Variants in UBAC2 observed in about 807,000 individuals in gnomAD.
UBAC2 encodes the protein ubiquitin-associated domain-containing protein 2.
Under a neutral mutation model 44.0 loss-of-function variants are expected in UBAC2, and 26 were observed. The ratio of observed to expected loss-of-function variants is 0.59; its 90% confidence interval spans 0.43 to 0.82. The LOEUF (loss-of-function observed/expected upper bound fraction) is 0.82. Among genes scored for constraint, UBAC2 ranks in the 40% least tolerant of loss-of-function variants. UBAC2 has a pLI of 0.00. For synonymous variants in UBAC2, 155 were observed against 154.3 expected (o/e 1.00, Z -0.04); for missense variants, 329 against 419.4 (o/e 0.78, Z 1.88).
In UBAC2 at chr13:99,385,464, C is replaced by A; in HGVS notation, c.*129C>A. ...TTGTGGGAAGAGGGAGGTTCCACCG[C>A]ACCCCTGCCCTCAACCGCAAGACTG... On this transcript the variant is annotated 3_prime_UTR_variant, in exon 9 of 9. Transcript: ENST00000403766. 1 of 705,406 alleles carries A rather than the reference C, an allele frequency of 1.4e-6. No individual in the cohort carries two copies. Among genetic ancestry groups the A allele is most frequent in the Non-Finnish European group, 2.4e-6 (1 of 410,158 alleles). 43.7% of individuals were successfully genotyped at this position (705,406 alleles called of 1,614,324 possible).
chr13:99,317,789 G>T (rs1047978671), intron 5 of UBAC2, among the ~76,000 whole-genome samples: 1 of 151,950 alleles, frequency 6.6e-6, no homozygotes, highest in African/African-American at 2.4e-5. Context: ...TGTGGGCCAG[G>T]TTCAACTTGT....
chr13:99,367,798 C>A lies in UBAC2; in HGVS notation c.819C>A (p.Ile273=). The A allele has an allele frequency of 6.2e-7, 1 of 1,611,866 alleles. No individual in the cohort carries two copies. The highest frequency in any genetic ancestry group is 8.5e-7 in the Non-Finnish European group (1 of 1,179,124). Residue 273 remains isoleucine, a synonymous_variant, in exon 8 of 9, where the codon ATC becomes ATA. Coordinates refer to ENST00000403766, the MANE Select transcript of UBAC2 (RefSeq NM_001144072.2). The part of the protein sequence containing the change: ...RRQRQQQGGM[I]NWNRLFPPLR... Reference sequence around the variant, plus strand: ...TGATCTCTTTTTAGGGAGGAATGATCAATTGGAATCGTCTTTTTCCTCCTT... The same window carrying A: ...TGATCTCTTTTTAGGGAGGAATGATAAATTGGAATCGTCTTTTTCCTCCTT...
At chr13:99,220,870 A>T (rs1179044811) in intron 1 of UBAC2, among the ~76,000 whole-genome samples, 1 of 152,072 alleles carries the variant, frequency 6.6e-6, no homozygotes, top group Admixed American at 6.5e-5. Flanking sequence ...TAATTGTCAA[A>T]ATCGATTTTT....
At position 99,338,047 on chromosome 13, in the gene UBAC2, CTTTT is replaced by C. The variant is rs869112086; in HGVS notation, c.562-2248_562-2245del. The stretch of plus-strand genomic sequence containing the variant: ...ATCTCCTAACTTTTTTTCTTTTTTT[CTTTT>C]TTTTTTTTTTTTTTTTTTTTTTTTG... On this transcript the variant is annotated intron_variant, in intron 6 of 8. Transcript: ENST00000403766. 1.8e-3 allele frequency among the ~76,000 whole-genome samples: 88 copies of C among 48,862 alleles called. 4 individuals carry two copies. The highest frequency in any genetic ancestry group is 8.5e-3 in the South Asian group (10 of 1,172). 32.1% of individuals were successfully genotyped at this position (48,862 alleles called of 152,430 possible). A position where few individuals can be genotyped will look rare whatever the true frequency, so the allele number is the denominator to read the frequency against.
At chr13:99,339,244 C>T (rs1355226844) in intron 6 of UBAC2, among the ~76,000 whole-genome samples, 9 of 152,228 alleles carry the variant, frequency 5.9e-5, no homozygotes, top group Admixed American at 5.9e-4. Context: ...GTCACGGGCA[C>T]CGCATCATCC....
intron 2 of UBAC2, among the ~76,000 whole-genome samples, chr13:99,242,499 C>G (rs1330194556): frequency 1.4e-5 from 2 of 138,164 alleles, no homozygotes; most frequent in Non-Finnish European, 3.2e-5. Flanking sequence ...GCTGGCCGGG[C>G]GGGGGGCTGC....
rs375721828 is a variant in UBAC2 at position 99,352,668 on chromosome 13, C to A, written c.807+12103C>A. On this transcript the variant is annotated intron_variant, in intron 7 of 8. Transcript: ENST00000403766. ...TCACCAGTGCTACCATTTTCATTACCGTCTATTCCGCAGAATACACGCAGT... is the reference window on the plus strand; with the variant it reads ...TCACCAGTGCTACCATTTTCATTACAGTCTATTCCGCAGAATACACGCAGT... 1.4e-3 allele frequency among the ~76,000 whole-genome samples: 209 copies of A among 152,310 alleles called. 2 individuals carry two copies. Among genetic ancestry groups the A allele is most frequent in the African/African-American group, 4.9e-3 (204 of 41,566 alleles).
At chr13:99,300,730 G>A (rs553828150) in intron 4 of UBAC2, among the ~76,000 whole-genome samples, 5 of 152,318 alleles carry the variant, frequency 3.3e-5, no homozygotes, top group African/African-American at 1.2e-4. Context: ...TGAATATATA[G>A]CGTTGAACAT....
chr13:99,324,570 C>A (rs896810220), intron 6 of UBAC2, among the ~76,000 whole-genome samples: 2 of 152,204 alleles, frequency 1.3e-5, no homozygotes, highest in Non-Finnish European at 2.9e-5. Flanking sequence ...TTAGAAAAAG[C>A]TGACTAATAG....
At chr13:99,355,534 C>A (rs1320846096) in intron 7 of UBAC2, among the ~76,000 whole-genome samples, 1 of 152,194 alleles carries the variant, frequency 6.6e-6, no homozygotes, top group Non-Finnish European at 1.5e-5. Flanking sequence ...CCTGTGGTCC[C>A]CCCACGCCAC....
In UBAC2 at chr13:99,312,112, G is replaced by C. The variant is rs372831753; in HGVS notation, c.390-1985G>C. Among the ~76,000 whole-genome samples the C allele has an allele frequency of 8.5e-5, 13 of 152,310 alleles. No individual in the cohort carries two copies. In the East Asian group the frequency reaches 2.5e-3, roughly 29 times the overall value. ...GGCTGCCATTTATCACATTTGTTTTGTGTGTGTTGTATTTTGGTTTGGTTT... is the reference window on the plus strand; with the variant it reads ...GGCTGCCATTTATCACATTTGTTTTCTGTGTGTTGTATTTTGGTTTGGTTT... On this transcript the variant is annotated intron_variant, in intron 4 of 8. Coordinates refer to ENST00000403766, the MANE Select transcript of UBAC2 (RefSeq NM_001144072.2).
intron 4 of UBAC2, among the ~76,000 whole-genome samples, chr13:99,245,125 G>C (rs541957179): frequency 6.6e-6 from 1 of 152,206 alleles, no homozygotes; most frequent in Admixed American, 6.5e-5. Context: ...GAGCCACCTT[G>C]CCCAGGCACC....
chr13:99,281,777 T>C (rs1185267390), intron 4 of UBAC2, among the ~76,000 whole-genome samples: 3 of 152,192 alleles, frequency 2.0e-5, no homozygotes, highest in Non-Finnish European at 4.4e-5. Flanking sequence ...GATCTGTGCC[T>C]TCTGAATCAA....
At chr13:99,380,386 C>CT (rs1175661697) in intron 8 of UBAC2, among the ~76,000 whole-genome samples, 3 of 152,292 alleles carry the variant, frequency 2.0e-5, no homozygotes, top group African/African-American at 7.2e-5. Context: ...CTGGGCTTCT[C>CT]TGAGCAGAGG....
chr13:99,204,698 C>G (rs1031023652), intron 1 of UBAC2, among the ~76,000 whole-genome samples: 12 of 151,752 alleles, frequency 7.9e-5, no homozygotes, highest in African/African-American at 1.5e-4. Context: ...AGAAAGAGGC[C>G]CCCCCAGAAC....
intron 4 of UBAC2, among the ~76,000 whole-genome samples, chr13:99,283,301 T>C (rs1015178517): frequency 1.3e-5 from 2 of 152,182 alleles, no homozygotes; most frequent in Non-Finnish European, 2.9e-5. Flanking sequence ...ATTTGCTGTA[T>C]AAATAAATGA....
intron 8 of UBAC2, among the ~76,000 whole-genome samples, chr13:99,381,052 T>G (rs1038286565): frequency 6.6e-6 from 1 of 152,264 alleles, no homozygotes; most frequent in Non-Finnish European, 1.5e-5. Context: ...ATGTCGTTCA[T>G]GTCTGAGAGA....
intron 4 of UBAC2, among the ~76,000 whole-genome samples, chr13:99,266,571 G>A (rs1398933153): frequency 2.0e-5 from 3 of 152,116 alleles, no homozygotes; most frequent in Non-Finnish European, 4.4e-5. Context: ...GTAGGACTAT[G>A]TGTATTCCTG....
At chr13:99,245,508 A>ACTAGGAGTTATTCCACTC (rs1406517923) in intron 4 of UBAC2, among the ~76,000 whole-genome samples, 1 of 152,192 alleles carries the variant, frequency 6.6e-6, no homozygotes, top group Admixed American at 6.5e-5. Flanking sequence ...GTGTGAAATA[A>ACTAGGAGTTATTCCACTC]CTAGAATCTA....
Sources: gnomAD v4.1 joint callset for allele counts (sites outside exome capture counted in the v4.1 genomes callset) on GRCh38, gnomAD v4.1.1 for gene constraint, MANE v1.5 for transcripts, NCBI Gene and HGNC (gene_info 2026-07-23, HGNC 2026-07-21) for gene names.